The following MAML2 variants were observed in gnomAD, a reference collection of about 807,000 sequenced individuals.
The protein encoded by MAML2 is mastermind-like protein 2.
Under a neutral mutation model 96.1 loss-of-function variants are expected in MAML2, and 22 were observed. The observed-to-expected ratio is 0.23, with a 90% CI of 0.16 to 0.33. MAML2 has a LOEUF of 0.33. Among genes scored for constraint, MAML2 ranks in the 10% least tolerant of loss-of-function variants. MAML2 has a pLI of 1.00. For synonymous variants in MAML2, 561 were observed against 521.3 expected, an observed-to-expected ratio of 1.08 and a Z score of -1.04; for missense variants, 1,367 against 1,392.4, an observed-to-expected ratio of 0.98 and a Z score of 0.29.
At chr11:96,093,797 A>T (rs774658384) in intron 1 of MAML2, among the ~76,000 whole-genome samples, 3 of 152,242 alleles carry the variant, frequency 2.0e-5, no homozygotes, top group Non-Finnish European at 4.4e-5. Context: ...ATGGATACAG[A>T]TTCCTTCAAA....
chr11:96,072,361 G>T (rs1859360135), intron 2 of MAML2, among the ~76,000 whole-genome samples: 1 of 152,160 alleles, frequency 6.6e-6, no homozygotes, highest in Admixed American at 6.5e-5. Context: ...TTCACTGGGG[G>T]ATACAAATGG....
At chr11:96,141,068 A>T (rs1039981208) in intron 1 of MAML2, among the ~76,000 whole-genome samples, 1 of 152,142 alleles carries the variant, frequency 6.6e-6, no homozygotes, top group Admixed American at 6.5e-5. Context: ...CATACTGTTG[A>T]CCATATCTTT....
chr11:96,210,654 A>G (rs1861958262), intron 1 of MAML2, among the ~76,000 whole-genome samples: 1 of 152,182 alleles, frequency 6.6e-6, no homozygotes, highest in Non-Finnish European at 1.5e-5. Context: ...AACTGTGTCA[A>G]AGAGATATTG....
At chr11:96,038,776 C>T (rs1178678400) in intron 2 of MAML2, among the ~76,000 whole-genome samples, 3 of 152,118 alleles carry the variant, frequency 2.0e-5, no homozygotes, top group Non-Finnish European at 4.4e-5. Context: ...TTCAAAGTAC[C>T]CAAAATGATT....
intron 1 of MAML2, among the ~76,000 whole-genome samples, chr11:96,255,566 C>G (rs1591098999): frequency 6.6e-6 from 1 of 152,186 alleles, no homozygotes; most frequent in East Asian, 1.9e-4. Context: ...GGGTTGTGTT[C>G]TGGCCTATGA....
At chr11:96,258,794 T>A (rs1187081764) in intron 1 of MAML2, among the ~76,000 whole-genome samples, 3 of 152,050 alleles carry the variant, frequency 2.0e-5, no homozygotes, top group Non-Finnish European at 2.9e-5. Context: ...CCAATGGGAG[T>A]CAGCCAGTAA....
chr11:96,010,487 C>T (rs1327074270), intron 2 of MAML2, among the ~76,000 whole-genome samples: 3 of 152,134 alleles, frequency 2.0e-5, no homozygotes, highest in African/African-American at 4.8e-5. Context: ...TTCATAGTTA[C>T]CTGTAGACCA....
intron 2 of MAML2, among the ~76,000 whole-genome samples, chr11:96,017,965 A>G (rs539768217): frequency 6.6e-6 from 1 of 152,354 alleles, no homozygotes; most frequent in African/African-American, 2.4e-5. Context: ...TGTTTTAAAG[A>G]TCACTCTGTC....
chr11:96,022,599 TG>T (rs35810004), intron 2 of MAML2, among the ~76,000 whole-genome samples: 36,698 of 152,126 alleles, frequency 0.24, 4,974 homozygotes, highest in Non-Finnish European at 0.32. Context: ...CCCGAATATC[TG>T]TAGAGGAAAT....
intron 3 of MAML2, 32 bp from the exon 4 acceptor site, chr11:95,985,674 G>T: frequency 7.3e-7 from 1 of 1,368,536 alleles, no homozygotes; most frequent in Non-Finnish European, 1.0e-6. Context: ...ATATTATGTT[G>T]CATCATTCCC....
At chr11:96,173,075 C>A (rs943064445) in intron 1 of MAML2, among the ~76,000 whole-genome samples, 8 of 152,194 alleles carry the variant, frequency 5.3e-5, no homozygotes, top group Non-Finnish European at 1.2e-4. Context: ...CCATCTCTTG[C>A]CAGGTTCTTG....
intron 2 of MAML2, among the ~76,000 whole-genome samples, chr11:96,019,048 T>C (rs1565191054): frequency 6.6e-6 from 1 of 152,152 alleles, no homozygotes; most frequent in Non-Finnish European, 1.5e-5. Context: ...ATAATTTTTT[T>C]CAAGGAGTAT....
chr11:96,312,710 G>T (rs478953), intron 1 of MAML2, among the ~76,000 whole-genome samples: 105,008 of 152,018 alleles, frequency 0.69, 36,363 homozygotes, highest in East Asian at 0.82. Flanking sequence ...TTAATCATTT[G>T]TAAGTGTACA....
chr11:96,166,055 T>A (rs1418666963), intron 1 of MAML2, among the ~76,000 whole-genome samples: 2 of 152,162 alleles, frequency 1.3e-5, no homozygotes, highest in Non-Finnish European at 2.9e-5. Context: ...CCTACAATTC[T>A]CATTGAATGC....
At chr11:96,120,996 A>C (rs1055570498) in intron 1 of MAML2, among the ~76,000 whole-genome samples, 3 of 152,202 alleles carry the variant, frequency 2.0e-5, no homozygotes, top group African/African-American at 7.2e-5. Flanking sequence ...TTGAACCTAC[A>C]AGATGGGAAA....
chr11:96,292,387 G>A (rs1863225957), intron 1 of MAML2, among the ~76,000 whole-genome samples: 1 of 152,166 alleles, frequency 6.6e-6, no homozygotes, highest in Admixed American at 6.5e-5. Context: ...TATGTATTTG[G>A]CTGCTAGACT....
rs377562371 is a variant in MAML2 at position 96,294,829 on chromosome 11, A to G, written c.513+46554T>C. On this transcript the variant is annotated intron_variant, in intron 1 of 4. Transcript: ENST00000524717. ...AGTAAAATGAGGCTCAGGGAGGCTA[A>G]GAAAATTGCCCTCTGTCACCAAGCT... Among the ~76,000 whole-genome samples the G allele has an allele frequency of 2.0e-5, 3 of 152,238 alleles. No individual in the cohort carries two copies. The East Asian group carries it at 5.8e-4, about 29-fold the overall frequency.
intron 1 of MAML2, among the ~76,000 whole-genome samples, chr11:96,266,174 C>T (rs1301162611): frequency 6.6e-6 from 1 of 152,114 alleles, no homozygotes; most frequent in Non-Finnish European, 1.5e-5. Flanking sequence ...AGAAACGAGC[C>T]ACTTCCCCAT....
In MAML2 at chr11:96,233,272, T is replaced by G. The variant is rs12575956; in HGVS notation, c.513+108111A>C. On this transcript the variant is annotated intron_variant, in intron 1 of 4. Coordinates refer to ENST00000524717, the MANE Select transcript of MAML2 (RefSeq NM_032427.4). The stretch of plus-strand genomic sequence containing the variant: ...AATAATTCCTAGTAAAAGAAACTTT[T>G]AAATAATTTTTCTTTCATTCACTCT... Among the ~76,000 whole-genome samples, 226 of 152,312 alleles carry G rather than the reference T, an allele frequency of 1.5e-3. 6 individuals are homozygous for G. In the East Asian group the frequency reaches 0.037, roughly 25 times the overall value.
Sources: allele counts gnomAD v4.1 joint callset (sites outside exome capture counted in the v4.1 genomes callset), GRCh38; gene constraint gnomAD v4.1.1; transcripts MANE v1.5; gene names NCBI Gene and HGNC (gene_info 2026-07-23, HGNC 2026-07-21).